TMPRSS11A: variants seen among roughly 807,000 people sequenced by gnomAD.
TMPRSS11A encodes the protein transmembrane protease serine 11A.
In TMPRSS11A, 53 loss-of-function variants were observed where a neutral mutation model predicts 58.9. The observed-to-expected ratio is 0.90, with a 90% CI of 0.72 to 1.13. The LOEUF (loss-of-function observed/expected upper bound fraction) is 1.13. TMPRSS11A is among the 50% of genes most tolerant of loss of function. The pLI is 0.00. For synonymous variants in TMPRSS11A, 167 were observed against 169.8 expected (o/e 0.98, Z 0.13); for missense variants, 493 against 499.3 (o/e 0.99, Z 0.12).
At chr4:67,939,231 T>C (rs1448333649) in intron 3 of TMPRSS11A, among the ~76,000 whole-genome samples, 1 of 152,140 alleles carries the variant, frequency 6.6e-6, no homozygotes, top group African/African-American at 2.4e-5. Flanking sequence ...GACATTATTG[T>C]TTAGAAATGC....
intron 2 of TMPRSS11A, 108 bp from the exon 3 acceptor site, chr4:67,944,745 T>A: frequency 2.4e-6 from 2 of 832,776 alleles, no homozygotes; most frequent in Non-Finnish European, 3.7e-6. Flanking sequence ...AGCCTCTTCA[T>A]AATTGAGTTT....
intron 4 of TMPRSS11A, among the ~76,000 whole-genome samples, chr4:67,931,294 G>A (rs563079976): frequency 2.6e-5 from 4 of 152,106 alleles, no homozygotes; most frequent in Non-Finnish European, 4.4e-5. Flanking sequence ...GTCTATTGGT[G>A]AGAAAGGGAT....
intron 1 of TMPRSS11A, among the ~76,000 whole-genome samples, chr4:67,961,904 C>T (rs1721438015): frequency 6.6e-6 from 1 of 152,080 alleles, no homozygotes; most frequent in Non-Finnish European, 1.5e-5. Flanking sequence ...AAGCTGCAAA[C>T]ACTCCTATAA....
rs757201184 is a variant in TMPRSS11A at position 67,929,974 on chromosome 4, C to T, written c.387G>A (p.Arg129=). ...MVFQFPSTEQ[R]AVREKKIQSI... ...TTTGGATTTTCTTCTCTCTTACTGC[C>T]CTTTGTTCAGTAGAGGGGAACTGGA... The change falls in exon 5 of 10, where the codon AGG becomes AGA. Residue 129 remains arginine, a synonymous_variant. Coordinates refer to ENST00000508048, the MANE Select transcript of TMPRSS11A (RefSeq NM_001114387.2). 9.9e-6 allele frequency: 16 copies of T among 1,613,492 alleles called. No individual in the cohort carries two copies. The highest frequency in any genetic ancestry group is 1.3e-5 in the Non-Finnish European group (15 of 1,179,536).
chr4:67,949,179 A>G (rs1252433775), intron 1 of TMPRSS11A, among the ~76,000 whole-genome samples: 1 of 152,192 alleles, frequency 6.6e-6, no homozygotes, highest in Non-Finnish European at 1.5e-5. Context: ...GAGTAAGATA[A>G]ATGGAGAAAG....
At chr4:67,917,766 C>A (rs1720198680) in intron 8 of TMPRSS11A, among the ~76,000 whole-genome samples, 1 of 152,038 alleles carries the variant, frequency 6.6e-6, no homozygotes. Context: ...TCCCACCAAG[C>A]CAAAGGGGAT....
At chr4:67,962,729 C>A (rs1721468625) in intron 1 of TMPRSS11A, among the ~76,000 whole-genome samples, 3 of 152,174 alleles carry the variant, frequency 2.0e-5, no homozygotes, top group Admixed American at 2.0e-4. Flanking sequence ...GCCAAGGAAT[C>A]TTATTTTTTC....
At chr4:67,940,158 A>G (rs1383681071) in intron 3 of TMPRSS11A, among the ~76,000 whole-genome samples, 4 of 152,158 alleles carry the variant, frequency 2.6e-5, no homozygotes, top group African/African-American at 9.6e-5. Flanking sequence ...GAGGATTTTT[A>G]TATCTATGTT....
chr4:67,926,487 C>T (rs1480076715), intron 5 of TMPRSS11A, among the ~76,000 whole-genome samples: 1 of 152,178 alleles, frequency 6.6e-6, no homozygotes, highest in Non-Finnish European at 1.5e-5. Flanking sequence ...GTAGCAGGAG[C>T]GGATGCGGGA....
chr4:67,937,458 A>T (rs1720779862), intron 3 of TMPRSS11A, among the ~76,000 whole-genome samples: 1 of 152,220 alleles, frequency 6.6e-6, no homozygotes, highest in South Asian at 2.1e-4. Context: ...ATCTTCATGG[A>T]TTTAAAAAAT....
intron 4 of TMPRSS11A, among the ~76,000 whole-genome samples, chr4:67,930,404 T>A (rs1720583155): frequency 6.6e-6 from 1 of 152,178 alleles, no homozygotes; most frequent in African/African-American, 2.4e-5. Context: ...CAATTGGCCC[T>A]CTAATGACAG....
chr4:67,956,907 C>A (rs919133952), intron 1 of TMPRSS11A, among the ~76,000 whole-genome samples: 3 of 152,022 alleles, frequency 2.0e-5, no homozygotes, highest in Non-Finnish European at 4.4e-5. Context: ...TGGGAGAGAC[C>A]CAATGGGAGG....
In TMPRSS11A at chr4:67,911,340, A is replaced by T; in HGVS notation, c.*2T>A. 5 of 1,612,786 alleles carry T rather than the reference A, an allele frequency of 3.1e-6. No homozygotes were observed. Among genetic ancestry groups the T allele is most frequent in the Non-Finnish European group, 4.2e-6 (5 of 1,179,234 alleles). On this transcript the variant is annotated 3_prime_UTR_variant, in exon 10 of 10. Transcript: ENST00000508048. ...CTTTCTTTGTTTAACTTTTATCGTG[A>T]ATTAGATGCCTGTTTTTGAAGCAAT...
intron 3 of TMPRSS11A, among the ~76,000 whole-genome samples, chr4:67,939,524 C>T (rs1404138462): frequency 6.6e-6 from 1 of 152,012 alleles, no homozygotes; most frequent in Non-Finnish European, 1.5e-5. Flanking sequence ...CAGCTTTTGC[C>T]CATTCAGTGT....
chr4:67,959,742 G>C (rs1377291891), intron 1 of TMPRSS11A, among the ~76,000 whole-genome samples: 1 of 152,172 alleles, frequency 6.6e-6, no homozygotes, highest in African/African-American at 2.4e-5. Flanking sequence ...AACTAGTTCA[G>C]CCACAATGGA....
chr4:67,948,072 A>T (rs1036507297), intron 1 of TMPRSS11A, among the ~76,000 whole-genome samples: 3 of 151,300 alleles, frequency 2.0e-5, no homozygotes, highest in Non-Finnish European at 1.5e-5. Flanking sequence ...GAAACAGAGG[A>T]TATTTTTCAT....
At chr4:67,924,238 C>A in intron 5 of TMPRSS11A, 72 bp from the exon 6 acceptor site, 1 of 1,250,178 alleles carries the variant, frequency 8.0e-7, no homozygotes, top group South Asian at 1.2e-5. Flanking sequence ...CAGGAATAAT[C>A]AGAGGATACT....
intron 1 of TMPRSS11A, 77 bp downstream of exon 1, chr4:67,963,305 TC>T: frequency 6.7e-7 from 1 of 1,482,162 alleles, no homozygotes; most frequent in Non-Finnish European, 9.4e-7. Context: ...TCACTAGCAG[TC>T]CTCTTACACA....
chr4:67,946,404 G>A, intron 2 of TMPRSS11A, 46 bp downstream of exon 2: 1 of 1,543,344 alleles, frequency 6.5e-7, no homozygotes, highest in Non-Finnish European at 8.7e-7. Flanking sequence ...ATGGAGCTTT[G>A]CAGAAAAATA....
Sources: allele counts gnomAD v4.1 joint callset (sites outside exome capture counted in the v4.1 genomes callset), GRCh38; gene constraint gnomAD v4.1.1; transcripts MANE v1.5; gene names NCBI Gene and HGNC (gene_info 2026-07-23, HGNC 2026-07-21).